ZFHX3: variants seen among roughly 807,000 people sequenced by gnomAD.
The protein encoded by ZFHX3 is zinc finger homeobox protein 3.
A neutral mutation model predicts 279.1 loss-of-function variants in ZFHX3; 42 were observed. The observed-to-expected ratio is 0.15, with a 90% CI of 0.12 to 0.19. The LOEUF (loss-of-function observed/expected upper bound fraction) is 0.19, where lower values mean the gene tolerates loss of function less well. Ranked by LOEUF, ZFHX3 falls within the 10% of genes least tolerant of loss-of-function variation. The probability of loss-of-function intolerance (pLI) is 1.00; values close to 1 mark genes in which losing one functional copy is unlikely to be tolerated. For missense variants in ZFHX3, 4,981 were observed against 4,754.0 expected (o/e 1.05, Z -1.40); for synonymous variants, 2,293 against 1,957.8 (o/e 1.17, Z -4.52).
intron 1 of ZFHX3, among the ~76,000 whole-genome samples, chr16:73,034,447 T>C (rs1964826846): frequency 6.6e-6 from 1 of 152,330 alleles, no homozygotes; most frequent in South Asian, 2.1e-4. Flanking sequence ...ACACAGTCCC[T>C]GGACTAGCCA....
intron 1 of ZFHX3, among the ~76,000 whole-genome samples, chr16:73,696,105 G>A (rs2053195618): frequency 6.6e-6 from 1 of 152,230 alleles, no homozygotes; most frequent in South Asian, 2.1e-4. Flanking sequence ...GCCAAGGGCA[G>A]AGGTAGGGTG....
rs371418449 is a variant in ZFHX3 at position 72,959,966 on chromosome 16, G to A, written c.180C>T (p.Arg60=). 1.2e-6 allele frequency: 2 copies of A among 1,610,636 alleles called. No homozygotes were observed. Among genetic ancestry groups the A allele is most frequent in the African/African-American group, 1.3e-5 (1 of 74,854 alleles). Residue 60 remains arginine (R), a synonymous_variant, in exon 2 of 10, where the codon CGC becomes CGT. Transcript: ENST00000268489. ...LDSLRAPFNE[R]LAESTASAGP... is the part of the protein sequence containing the mutation. ...CGGCCGACGCGGTGCTCTCCGCGAG[G>A]CGCTCATTGAAGGGGGCCCTCAGGC...
At chr16:73,599,899 T>C (rs1333692758) in intron 2 of ZFHX3, among the ~76,000 whole-genome samples, 2 of 152,126 alleles carry the variant, frequency 1.3e-5, no homozygotes, top group East Asian at 3.9e-4. Context: ...ATTAGATAGA[T>C]GGTTTACTCT....
chr16:73,275,508 A>G (rs1363789477), intron 4 of ZFHX3, among the ~76,000 whole-genome samples: 1 of 152,130 alleles, frequency 6.6e-6, no homozygotes, highest in Non-Finnish European at 1.5e-5. Flanking sequence ...CAATATGTTA[A>G]AATCCCCATG....
chr16:73,683,137 AAAG>A (rs2053044456), intron 1 of ZFHX3, among the ~76,000 whole-genome samples: 1 of 152,196 alleles, frequency 6.6e-6, no homozygotes, highest in Non-Finnish European at 1.5e-5. Context: ...TTTGTCTAGT[AAAG>A]AAATGGTGTT....
chr16:73,580,520 A>AAAC (rs2051850573), intron 2 of ZFHX3, among the ~76,000 whole-genome samples: 1 of 151,844 alleles, frequency 6.6e-6, no homozygotes, highest in Non-Finnish European at 1.5e-5. Flanking sequence ...AAAAAAAAAA[A>AAAC]ACAGAGAAAT....
At chr16:73,756,602 C>T (rs1484316785) in intron 1 of ZFHX3, among the ~76,000 whole-genome samples, 1 of 152,148 alleles carries the variant, frequency 6.6e-6, no homozygotes, top group African/African-American at 2.4e-5. Context: ...AGGTGCAACC[C>T]CTCGGCTGCA....
intron 3 of ZFHX3, among the ~76,000 whole-genome samples, chr16:72,906,920 C>T (rs774812927): frequency 6.6e-6 from 1 of 152,120 alleles, no homozygotes; most frequent in Non-Finnish European, 1.5e-5. Flanking sequence ...CTGCCCAGAC[C>T]CTGCCAGGTG....
intron 7 of ZFHX3, among the ~76,000 whole-genome samples, chr16:73,128,758 A>G (rs1653244094): frequency 6.6e-6 from 1 of 152,206 alleles, no homozygotes; most frequent in South Asian, 2.1e-4. Context: ...CTTGTTCCCC[A>G]AATCCTGGTT....
chr16:73,699,396 GTGGACTGCCTGTCT>G (rs1305888972), intron 1 of ZFHX3, among the ~76,000 whole-genome samples: 2 of 152,132 alleles, frequency 1.3e-5, no homozygotes, highest in Admixed American at 1.3e-4. Context: ...CCAGTGTTTT[GTGGACTGCCTGTCT>G]GTCTCAGTCA....
At chr16:72,960,535 A>G (rs1314676402) in intron 1 of ZFHX3, among the ~76,000 whole-genome samples, 1 of 152,062 alleles carries the variant, frequency 6.6e-6, no homozygotes, top group Non-Finnish European at 1.5e-5. Flanking sequence ...CACAGTGGAG[A>G]ACGGACGCGT....
chr16:73,852,781 T>C (rs1961622820), intron 1 of ZFHX3, among the ~76,000 whole-genome samples: 1 of 152,182 alleles, frequency 6.6e-6, no homozygotes, highest in Non-Finnish European at 1.5e-5. Context: ...TAGGATTAGA[T>C]CCTTGCACAT....
At chr16:73,196,926 G>T (rs1298802279) in intron 5 of ZFHX3, among the ~76,000 whole-genome samples, 1 of 152,152 alleles carries the variant, frequency 6.6e-6, no homozygotes, top group Non-Finnish European at 1.5e-5. Flanking sequence ...GAGGGCCATG[G>T]AGCTGGGACA....
At chr16:73,421,537 T>A (rs367567997) in intron 3 of ZFHX3, 1 of 152,354 alleles carries the variant, frequency 6.6e-6, no homozygotes, top group African/African-American at 2.4e-5. Flanking sequence ...ATAGTCATCG[T>A]CTAAACATCC....
chr16:73,667,207 G>C (rs1003471052), intron 2 of ZFHX3, among the ~76,000 whole-genome samples: 1 of 151,924 alleles, frequency 6.6e-6, no homozygotes, highest in Non-Finnish European at 1.5e-5. Flanking sequence ...GCCCAGACTG[G>C]TCTCGAACTC....
At chr16:73,479,207 A>G (rs780222350) in intron 2 of ZFHX3, among the ~76,000 whole-genome samples, 11 of 152,200 alleles carry the variant, frequency 7.2e-5, no homozygotes, top group Non-Finnish European at 1.6e-4. Flanking sequence ...ATGTTCAGAA[A>G]AATAAGTGTT....
chr16:73,369,821 T>G (rs1015101837), intron 3 of ZFHX3, among the ~76,000 whole-genome samples: 8 of 151,126 alleles, frequency 5.3e-5, no homozygotes, highest in African/African-American at 2.0e-4. Context: ...GCTTAATTAC[T>G]TAGAATTAGG....
intron 1 of ZFHX3, among the ~76,000 whole-genome samples, chr16:72,982,942 C>T (rs1479627746): frequency 6.6e-6 from 1 of 152,212 alleles, no homozygotes; most frequent in Non-Finnish European, 1.5e-5. Flanking sequence ...CATGTCAACG[C>T]AGAGTTCAGG....
At chr16:73,041,606 A>C (rs1192113125) in intron 1 of ZFHX3, among the ~76,000 whole-genome samples, 1 of 152,170 alleles carries the variant, frequency 6.6e-6, no homozygotes, top group Non-Finnish European at 1.5e-5. Context: ...ATAAGGGGAC[A>C]CTATTCAAGA....
Sources: allele counts gnomAD v4.1 joint callset (sites outside exome capture counted in the v4.1 genomes callset), GRCh38; gene constraint gnomAD v4.1.1; transcripts MANE v1.5; gene names NCBI Gene and HGNC (gene_info 2026-07-23, HGNC 2026-07-21).